LRRN4: variants seen among roughly 807,000 people sequenced by gnomAD.
The protein encoded by LRRN4 is leucine-rich repeat neuronal protein 4.
In LRRN4, 26 loss-of-function variants were observed where a neutral mutation model predicts 22.3. The observed-to-expected ratio is 1.16, with a 90% CI of 0.85 to 1.62. LRRN4 has a LOEUF of 1.62. Ranked by LOEUF, LRRN4 falls within the 40% of genes most tolerant of loss-of-function variation. The pLI, the probability that LRRN4 is intolerant of heterozygous loss-of-function variation, is 0.00. For missense variants in LRRN4, 1,070 were observed against 1,008.5 expected (o/e 1.06, Z -0.83); for synonymous variants, 496 against 486.2 (o/e 1.02, Z -0.26).
rs1980912372 is a variant in LRRN4, at chr20:6,041,024, A to G, written c.2221T>C (p.Ter741GlnextTer50). 2.5e-6 allele frequency: 4 copies of G among 1,613,906 alleles called. No homozygotes were observed. The highest frequency in any genetic ancestry group is 2.5e-6 in the Non-Finnish European group (3 of 1,179,950). ...DYPLGLQTVS[*>Q] ...GACGCGTTATCCCAGAAGCTGGGCT[A>G]ACTGACGGTCTGGAGCCCCAGCGGG... is the stretch of plus-strand genomic sequence containing the variant. The change falls in exon 5 of 5, where the codon TAG (stop) becomes CAG (glutamine). Residue 741 changes from the stop codon to glutamine, a stop_lost. Transcript: ENST00000378858. The surrounding 1 kb of genome is among the most constrained non-coding windows in gnomAD (Gnocchi z 9.4).
intron 3 of LRRN4, 82 bp from the exon 4 acceptor site, chr20:6,044,762 A>C: frequency 7.8e-7 from 1 of 1,275,024 alleles, no homozygotes; most frequent in African/African-American, 1.5e-5. Flanking sequence ...TGGTGTCAGA[A>C]CCATGCCCAT....
Position 6,052,511 on chromosome 20 carries a change from G to A in LRRN4, c.289C>T (p.His97Tyr), listed in dbSNP as rs185295306. The change falls in exon 2 of 5, where the codon CAC becomes TAC. Residue 97 changes from histidine (H) to tyrosine (Y), a missense_variant. His to Tyr is a moderately conservative substitution (Grantham distance 83). Transcript: ENST00000378858. ...GTCAGCACCTGCAGCTGCTCCAGGT[G>A]GCCGAGCTCGGAAGTGCTCAGGGCG... ...LRALSTSELGHLEQLQVLTLR... is the reference protein window; with the variant it reads ...LRALSTSELGYLEQLQVLTLR... The A allele has an allele frequency of 1.3e-6, 2 of 1,583,812 alleles. No individual in the cohort carries two copies. The highest frequency in any genetic ancestry group is 2.3e-5 in the East Asian group (1 of 44,202).
In LRRN4 at chr20:6,054,022, C is replaced by T. The variant is rs1981328009; in HGVS notation, c.-198G>A. 6.6e-6 allele frequency: 1 copy of T among 152,466 alleles called. No individual in the cohort carries two copies. The highest frequency in any genetic ancestry group is 1.5e-5 in the Non-Finnish European group (1 of 68,218). The allele number at this position is 152,466 out of a possible 1,614,324, so 9.4% of individuals were successfully genotyped here. On this transcript the variant is annotated 5_prime_UTR_variant, in exon 1 of 5. An upstream open reading frame in the 5' UTR gains an earlier in-frame stop. Coordinates refer to ENST00000378858, the MANE Select transcript of LRRN4 (RefSeq NM_152611.5). ...AGGGACTGAGATACTCCAGTCTTTC[C>T]CATTGCTCCTCCTTTCCCATCAAGA...
intron 3 of LRRN4, among the ~76,000 whole-genome samples, chr20:6,047,318 T>C (rs149749421): frequency 1.2e-3 from 176 of 152,232 alleles, no homozygotes; most frequent in African/African-American, 4.1e-3. Context: ...GATACTTCCA[T>C]GTCACTTTCC....
intron 4 of LRRN4, among the ~76,000 whole-genome samples, chr20:6,043,453 C>T (rs1203592014): frequency 6.6e-6 from 1 of 151,990 alleles, no homozygotes; most frequent in Non-Finnish European, 1.5e-5. Context: ...TAGGATGAAG[C>T]TGGACTCTCT....
At chr20:6,042,395 C>T in intron 4 of LRRN4, 149 bp from the exon 5 acceptor site, 1 of 841,680 alleles carries the variant, frequency 1.2e-6, no homozygotes. Context: ...CGCACACACA[C>T]ATCACCTCAT....
In LRRN4 at chr20:6,041,818, G is replaced by T. The variant is rs1872057382; in HGVS notation, c.1427C>A (p.Thr476Asn). 14 of 1,614,212 alleles carry T rather than the reference G, an allele frequency of 8.7e-6. No individual in the cohort carries two copies. Among genetic ancestry groups the T allele is most frequent in the Non-Finnish European group, 1.2e-5 (14 of 1,180,030 alleles). ...VLEPDISAASTPLASKLLGPF... is the reference protein window; with the variant it reads ...VLEPDISAASNPLASKLLGPF... Reference sequence around the variant, plus strand: ...GCCCAGGAGCTTGCTGGCCAGTGGGGTGGAGGCAGCTGAGATATCAGGCTC... The same window carrying T: ...GCCCAGGAGCTTGCTGGCCAGTGGGTTGGAGGCAGCTGAGATATCAGGCTC... Residue 476 changes from threonine to asparagine, a missense_variant, in exon 5 of 5, where the codon ACC becomes AAC. Transcript: ENST00000378858. The surrounding 1 kb of genome is among the most constrained non-coding windows in gnomAD (Gnocchi z 9.4).
intron 4 of LRRN4, 118 bp downstream of exon 4, chr20:6,044,425 C>T: frequency 9.1e-7 from 1 of 1,097,540 alleles, no homozygotes; most frequent in Non-Finnish European, 1.2e-6. Flanking sequence ...GAAAGGCTGC[C>T]CAGCCCAACA....
At chr20:6,042,989 C>T (rs979753698) in intron 4 of LRRN4, among the ~76,000 whole-genome samples, 6 of 151,736 alleles carry the variant, frequency 4.0e-5, no homozygotes, top group Non-Finnish European at 8.8e-5. Flanking sequence ...AGGCGCTATT[C>T]TTCACACTCC....
chr20:6,052,147 C>T lies in LRRN4; in HGVS notation c.653G>A (p.Arg218Gln). 6.3e-7 allele frequency: 1 copy of T among 1,592,064 alleles called. No individual in the cohort carries two copies. Among genetic ancestry groups the T allele is most frequent in the Non-Finnish European group, 8.5e-7 (1 of 1,170,290 alleles). Residue 218 changes from arginine (R) to glutamine (Q), a missense_variant and splice_region_variant, in exon 2 of 5, where the codon CGG becomes CAG. By Grantham distance (43) the Arg-to-Gln change is conservative. Transcript: ENST00000378858. ...AAACGCGGGGCGCCCGGACTCACCC[C>T]GTTCAAGGAACGTGCCGCTGAGATC... ...VLDLSGTFLE[R>Q]VESGWIRDLP...
chr20:6,052,254 C>T lies in LRRN4; in HGVS notation c.546G>A (p.Leu182=), dbSNP rs367929648. The T allele has an allele frequency of 8.8e-4, 1,365 of 1,557,562 alleles. No homozygotes were observed. The highest frequency in any genetic ancestry group is 1.1e-3 in the Non-Finnish European group (1,273 of 1,151,950). The change falls in exon 2 of 5, where the codon CTG becomes CTA. Residue 182 remains leucine (L), a synonymous_variant. Transcript: ENST00000378858. The part of the protein sequence containing the change: ...LQLLNLSCTA[L]GRGAQGGIAE... ...CGATGCCCCCCTGGGCTCCGCGACCCAGCGCGGTGCAGGAGAGGTTGAGGA... is the reference window on the plus strand; with the variant it reads ...CGATGCCCCCCTGGGCTCCGCGACCTAGCGCGGTGCAGGAGAGGTTGAGGA...
rs1042484152 is a variant in LRRN4, at chr20:6,045,738, T to C, written c.861-1058A>G. ...TGGGTTGGCTCAGTGGTTCTTGTGG[T>C]CTGGATTAGCTCAGCTGGGGCCAGA... On this transcript the variant is annotated intron_variant, in intron 3 of 4. Coordinates refer to ENST00000378858, the MANE Select transcript of LRRN4 (RefSeq NM_152611.5). Among the ~76,000 whole-genome samples, 6 of 148,980 alleles carry C rather than the reference T, an allele frequency of 4.0e-5. 1 individual carries two copies. The highest frequency in any genetic ancestry group is 7.5e-5 in the Non-Finnish European group (5 of 66,604).
Position 6,052,384 on chromosome 20 carries a change from G to T in LRRN4, c.416C>A (p.Pro139Gln), listed in dbSNP as rs748677451. ...LSYNQLAALP[P>Q]CTGPALSSLR... is the part of the protein sequence containing the mutation. Reference sequence around the variant, plus strand: ...GCTGCTCAGCGCGGGCCCGGTGCACGGCGGCAGAGCGGCCAGCTGGTTGTA... The same window carrying T: ...GCTGCTCAGCGCGGGCCCGGTGCACTGCGGCAGAGCGGCCAGCTGGTTGTA... Residue 139 changes from proline to glutamine, a missense_variant, in exon 2 of 5, where the codon CCG (proline) becomes CAG (glutamine). Transcript: ENST00000378858. The T allele has an allele frequency of 1.7e-4, 260 of 1,525,380 alleles. 1 individual carries two copies. The highest frequency in any genetic ancestry group is 2.1e-4 in the Non-Finnish European group (241 of 1,145,722). 94.5% of individuals were successfully genotyped at this position (1,525,380 alleles called of 1,614,324 possible). A position where few individuals can be genotyped will look rare whatever the true frequency, so the allele number is the denominator to read the frequency against.
chr20:6,052,230 G>C lies in LRRN4; in HGVS notation c.570C>G (p.Ile190Met). 6.3e-7 allele frequency: 1 copy of C among 1,576,214 alleles called. No homozygotes were observed. The highest frequency in any genetic ancestry group is 8.6e-7 in the Non-Finnish European group (1 of 1,161,812). The part of the protein sequence containing the change: ...TALGRGAQGG[I>M]AEAAFAGEDG... ...CCTCTCCAGCGAACGCCGCCTCGGC[G>C]ATGCCCCCCTGGGCTCCGCGACCCA... is the stretch of plus-strand genomic sequence containing the variant. Residue 190 changes from isoleucine (I) to methionine (M), a missense_variant, in exon 2 of 5, where the codon ATC becomes ATG. Physicochemically the swap from Ile to Met is conservative, Grantham distance 10 (BLOSUM62 1). Transcript: ENST00000378858.
At chr20:6,048,421 C>T (rs1981161745) in intron 3 of LRRN4, among the ~76,000 whole-genome samples, 1 of 152,184 alleles carries the variant, frequency 6.6e-6, no homozygotes, top group Non-Finnish European at 1.5e-5. Context: ...CTGGCTCAGA[C>T]TCTCCTCCTC....
In LRRN4 at chr20:6,041,771, G is replaced by C. The variant is rs1242886001; in HGVS notation, c.1474C>G (p.Arg492Gly). 3.1e-6 allele frequency: 5 copies of C among 1,613,980 alleles called. No homozygotes were observed. Among genetic ancestry groups the C allele is most frequent in the Non-Finnish European group, 4.2e-6 (5 of 1,180,016 alleles). The change falls in exon 5 of 5, where the codon CGC becomes GGC. Residue 492 changes from arginine (R) to glycine (G), a missense_variant. Transcript: ENST00000378858. The surrounding 1 kb of genome is among the most constrained non-coding windows in gnomAD (Gnocchi z 9.4). Reference sequence around the variant, plus strand: ...CCGGGCTGAGGCGAGCTTATGCTGCGGTCCCACGAGGTAGGGAAGGGGCCC... The same window carrying C: ...CCGGGCTGAGGCGAGCTTATGCTGCCGTCCCACGAGGTAGGGAAGGGGCCC... ...LLGPFPTSWD[R>G]SISSPQPGQR...
intron 4 of LRRN4, among the ~76,000 whole-genome samples, chr20:6,042,736 C>T (rs984522171): frequency 6.6e-6 from 1 of 151,802 alleles, no homozygotes; most frequent in African/African-American, 2.4e-5. Context: ...CTGGCTAAGA[C>T]GGTGAAACCC....
chr20:6,041,778 C>A lies in LRRN4; in HGVS notation c.1467G>T (p.Ser489=). The A allele has an allele frequency of 6.2e-7, 1 of 1,614,062 alleles. No homozygotes were observed. The highest frequency in any genetic ancestry group is 8.5e-7 in the Non-Finnish European group (1 of 1,180,004). ...GAGGCGAGCTTATGCTGCGGTCCCACGAGGTAGGGAAGGGGCCCAGGAGCT... is the reference window on the plus strand; with the variant it reads ...GAGGCGAGCTTATGCTGCGGTCCCAAGAGGTAGGGAAGGGGCCCAGGAGCT... ...ASKLLGPFPT[S]WDRSISSPQP... The change falls in exon 5 of 5, where the codon TCG becomes TCT. Residue 489 remains serine, a synonymous_variant. Transcript: ENST00000378858. This position sits in a 1 kb window ranked among gnomAD's most constrained non-coding sequence, Gnocchi z 9.4.
At chr20:6,043,043 C>T (rs938889271) in intron 4 of LRRN4, among the ~76,000 whole-genome samples, 6 of 152,154 alleles carry the variant, frequency 3.9e-5, no homozygotes, top group Non-Finnish European at 8.8e-5. Context: ...GCAGTAGACT[C>T]TATTACCCCA....
Sources: gnomAD v4.1 joint callset for allele counts (sites outside exome capture counted in the v4.1 genomes callset) on GRCh38, gnomAD v4.1.1 for gene constraint, Gnocchi (gnomAD v3.1) non-coding constraint, MANE v1.5 for transcripts, NCBI Gene and HGNC (gene_info 2026-07-23, HGNC 2026-07-21) for gene names.